FAAH2: variants seen among roughly 807,000 people sequenced by gnomAD.
FAAH2 encodes the protein fatty acid amide hydrolase 2.
Under a neutral mutation model 36.9 loss-of-function variants are expected in FAAH2, and 60 were observed. That is an observed-to-expected ratio of 1.63 (90% CI 1.32 to 2.02). FAAH2 has a LOEUF of 2.02. FAAH2 is among the 30% of genes most tolerant of loss of function. The pLI, the probability that FAAH2 is intolerant of heterozygous loss-of-function variation, is 0.00. For missense variants in FAAH2, 689 were observed against 397.5 expected (o/e 1.73, Z -6.23); for synonymous variants, 214 against 143.8 (o/e 1.49, Z -3.49).
chrX:57,436,338 G>A (rs1297838722), intron 8 of FAAH2, among the ~76,000 whole-genome samples: 5 of 109,137 alleles, frequency 4.6e-5, no homozygotes, highest in Admixed American at 3.9e-4. Flanking sequence ...AAACCGAAAA[G>A]TGGCAGAAGA....
chrX:57,259,274 T>A, the FAAH2 span, among the ~76,000 whole-genome samples: 1 of 111,599 alleles, frequency 9.0e-6, no homozygotes, highest in African/African-American at 3.2e-5. Flanking sequence ...GAGAGAAAAA[T>A]TACTATTTCC....
intron 1 of FAAH2, among the ~76,000 whole-genome samples, chrX:57,290,598 G>A (rs1258432972): frequency 9.0e-6 from 1 of 111,141 alleles, no homozygotes; most frequent in Non-Finnish European, 1.9e-5. Flanking sequence ...GCTTGTTGCA[G>A]TTTATCCATT....
intron 7 of FAAH2, among the ~76,000 whole-genome samples, chrX:57,404,293 T>G (rs2055512558): frequency 8.9e-6 from 1 of 112,592 alleles, no homozygotes; most frequent in South Asian, 3.6e-4. Context: ...TTTTCTTTAC[T>G]ACTTCTATCT....
intron 4 of FAAH2, 60 bp from the exon 5 acceptor site, chrX:57,341,211 A>G (rs1263205939): frequency 1.8e-6 from 2 of 1,107,562 alleles, no homozygotes; most frequent in Non-Finnish European, 1.2e-6. Flanking sequence ...ATGGAAAAAG[A>G]TATTCCATGC....
chrX:57,206,845 A>G, the FAAH2 span, among the ~76,000 whole-genome samples: 1 of 111,783 alleles, frequency 8.9e-6, no homozygotes, highest in Admixed American at 9.5e-5. Context: ...CATTTACCTG[A>G]TTTTTTCTTA....
At chrX:57,316,798 C>T (rs1213612889) in intron 3 of FAAH2, among the ~76,000 whole-genome samples, 2 of 111,007 alleles carry the variant, frequency 1.8e-5, no homozygotes, top group South Asian at 3.8e-4. Flanking sequence ...AAATACCCTT[C>T]TCTATATTGA....
chrX:57,222,136 A>C, the FAAH2 span, among the ~76,000 whole-genome samples: 1 of 111,390 alleles, frequency 9.0e-6, no homozygotes, highest in African/African-American at 3.3e-5. Context: ...TCCCTCCTCC[A>C]GTCCCTCCTG....
In FAAH2 at chrX:57,431,842, T is replaced by A. The variant is rs776125902; in HGVS notation, c.997-76T>A. Reference sequence around the variant, plus strand: ...GGGCCTGGCGCTTTCTGCTCTGCCATCTTGCTGATGTCACTCTTCAGTAGT... The same window carrying A: ...GGGCCTGGCGCTTTCTGCTCTGCCAACTTGCTGATGTCACTCTTCAGTAGT... On this transcript the variant is annotated intron_variant, in intron 7 of 10. Coordinates refer to ENST00000374900, the MANE Select transcript of FAAH2 (RefSeq NM_174912.4). The A allele has an allele frequency of 7.5e-4, 609 of 811,936 alleles. 1 individual carries two copies. The highest frequency in any genetic ancestry group is 8.6e-4 in the Non-Finnish European group (553 of 643,123). 66.9% of individuals were successfully genotyped at this position (811,936 alleles called of 1,213,427 possible).
chrX:57,413,402 A>C (rs2147039336), intron 7 of FAAH2, among the ~76,000 whole-genome samples: 1 of 111,997 alleles, frequency 8.9e-6, no homozygotes. Flanking sequence ...TTTTTGTATA[A>C]GGTGTAAGTA....
chrX:57,185,474 G>GTC, the FAAH2 span, among the ~76,000 whole-genome samples: 1 of 97,773 alleles, frequency 1.0e-5, no homozygotes, highest in African/African-American at 4.1e-5. Flanking sequence ...TTTTTTCTCT[G>GTC]TCTCTCTCTG....
chrX:57,487,823 A>G (rs187348211), intron 10 of FAAH2, among the ~76,000 whole-genome samples: 56 of 112,220 alleles, frequency 5.0e-4, no homozygotes, highest in Middle Eastern at 4.7e-3. Flanking sequence ...ACAAAGACAT[A>G]AACAAATGTG....
At chrX:57,435,603 T>C (rs2056394300) in intron 8 of FAAH2, among the ~76,000 whole-genome samples, 1 of 108,858 alleles carries the variant, frequency 9.2e-6, no homozygotes, top group African/African-American at 3.3e-5. Context: ...ACAAATAAGG[T>C]CATTGTATAA....
intron 5 of FAAH2, among the ~76,000 whole-genome samples, chrX:57,347,618 T>G (rs1431103056): frequency 3.3e-5 from 1 of 30,721 alleles, no homozygotes; most frequent in African/African-American, 4.9e-5. Flanking sequence ...TTTTTTTTTT[T>G]TTTTTTTTTT....
chrX:57,358,656 G>A (rs940553856), intron 5 of FAAH2, among the ~76,000 whole-genome samples: 2 of 111,359 alleles, frequency 1.8e-5, no homozygotes, highest in East Asian at 5.6e-4. Context: ...ATTGTAAGTA[G>A]TGCTGCATTG....
the FAAH2 span, among the ~76,000 whole-genome samples, chrX:57,138,896 T>C: frequency 3.6e-5 from 4 of 112,361 alleles, no homozygotes; most frequent in Non-Finnish European, 7.5e-5. Flanking sequence ...TTTGCCCATT[T>C]TTAAATCAGA....
chrX:57,243,303 AG>A, the FAAH2 span, among the ~76,000 whole-genome samples: 4 of 112,076 alleles, frequency 3.6e-5, no homozygotes, highest in Non-Finnish European at 5.6e-5. Context: ...AACCTGGGAA[AG>A]GGGTGGCTGT....
chrX:57,304,551 T>C (rs1160619624), intron 2 of FAAH2, among the ~76,000 whole-genome samples: 1 of 112,102 alleles, frequency 8.9e-6, no homozygotes, highest in Non-Finnish European at 1.9e-5. Flanking sequence ...GGTAAACCAA[T>C]TTTTGGCAAG....
intron 7 of FAAH2, among the ~76,000 whole-genome samples, chrX:57,428,535 A>G (rs974185690): frequency 8.9e-6 from 1 of 112,174 alleles, no homozygotes; most frequent in African/African-American, 3.2e-5. Context: ...TATTGGTATA[A>G]AAATAGACAC....
the FAAH2 span, among the ~76,000 whole-genome samples, chrX:57,238,884 A>C: frequency 6.3e-5 from 7 of 111,361 alleles, no homozygotes; most frequent in African/African-American, 2.3e-4. Context: ...ATTTATATGC[A>C]GTGTTAGGTT....
Sources: allele counts gnomAD v4.1 joint callset (sites outside exome capture counted in the v4.1 genomes callset), GRCh38; gene constraint gnomAD v4.1.1; transcripts MANE v1.5; gene names NCBI Gene and HGNC (gene_info 2026-07-23, HGNC 2026-07-21).